GDPD1: variants seen among roughly 807,000 people sequenced by gnomAD.
GDPD1 encodes glycerophosphodiester phosphodiesterase domain containing 1, also known as lysophospholipase D GDPD1.
Under a neutral mutation model 45.1 loss-of-function variants are expected in GDPD1, and 28 were observed. That is an observed-to-expected ratio of 0.62 (90% CI 0.46 to 0.85). GDPD1 has a LOEUF of 0.85. Ranked by LOEUF, GDPD1 falls within the 40% of genes least tolerant of loss-of-function variation. The probability of loss-of-function intolerance (pLI) is 0.00; values close to 1 mark genes in which losing one functional copy is unlikely to be tolerated. For synonymous variants in GDPD1, 139 were observed against 131.4 expected (o/e 1.06, Z -0.40); for missense variants, 256 against 364.8 (o/e 0.70, Z 2.43).
intron 1 of GDPD1, among the ~76,000 whole-genome samples, chr17:59,226,284 A>T (rs916557829): frequency 6.6e-6 from 1 of 151,926 alleles, no homozygotes; most frequent in Non-Finnish European, 1.5e-5. Context: ...ATAGTTTTAG[A>T]TCAAAACAAG....
chr17:59,262,124 T>G (rs1044595226), intron 6 of GDPD1, among the ~76,000 whole-genome samples: 4 of 151,220 alleles, frequency 2.6e-5, no homozygotes, highest in South Asian at 2.1e-4. Flanking sequence ...GTTTCACCGT[T>G]TTAGCCGGGA....
chr17:59,255,817 ATATATATATACG>A lies in GDPD1; in HGVS notation c.368-1304_368-1293del. Among the ~76,000 whole-genome samples, 3 of 63,332 alleles carry A rather than the reference ATATATATATACG, an allele frequency of 4.7e-5. No homozygotes were observed. In the Middle Eastern group the frequency reaches 0.019, roughly 391 times the overall value. The allele number at this position is 63,332 out of a possible 152,430, so 41.5% of individuals were successfully genotyped here. Reference sequence around the variant, plus strand: ...TATATGTATATATATATATACGCGTATATATATATACGCGTATATATATATATATATATACAC... The same window carrying A: ...TATATGTATATATATATATACGCGTACGTATATATATATATATATATACAC... On this transcript the variant is annotated intron_variant, in intron 4 of 9. Transcript: ENST00000284116.
intron 1 of GDPD1, among the ~76,000 whole-genome samples, chr17:59,233,582 C>CT: frequency 6.6e-6 from 1 of 152,026 alleles, no homozygotes; most frequent in South Asian, 2.1e-4. Flanking sequence ...AAACACCTGC[C>CT]TTTTTTGTTG....
At chr17:59,272,959 A>G in intron 9 of GDPD1, 123 bp downstream of exon 9, 1 of 1,583,428 alleles carries the variant, frequency 6.3e-7, no homozygotes, top group Non-Finnish European at 8.6e-7. Flanking sequence ...TGCTTTACTG[A>G]TCCACAAATG....
At chr17:59,247,845 G>A (rs1381411371) in intron 3 of GDPD1, among the ~76,000 whole-genome samples, 1 of 152,006 alleles carries the variant, frequency 6.6e-6, no homozygotes, top group Non-Finnish European at 1.5e-5. Context: ...GGTCAGGCTG[G>A]TCTCGAACTC....
At chr17:59,249,866 C>G (rs926649134) in intron 4 of GDPD1, among the ~76,000 whole-genome samples, 2 of 152,064 alleles carry the variant, frequency 1.3e-5, no homozygotes, top group African/African-American at 4.8e-5. Context: ...TTTAAAAGAA[C>G]TATAACTGCT....
intron 2 of GDPD1, among the ~76,000 whole-genome samples, chr17:59,237,225 C>G (rs1454769363): frequency 6.6e-6 from 1 of 151,924 alleles, no homozygotes; most frequent in African/African-American, 2.4e-5. Context: ...AGGGTGAAAC[C>G]CCATCTCTAG....
chr17:59,265,649 G>A (rs904201256), intron 6 of GDPD1, among the ~76,000 whole-genome samples: 4 of 151,822 alleles, frequency 2.6e-5, no homozygotes, highest in African/African-American at 9.7e-5. Context: ...TGTATTCCCA[G>A]CACTTTGAGA....
intron 4 of GDPD1, among the ~76,000 whole-genome samples, chr17:59,249,643 A>G (rs888039113): frequency 1.3e-5 from 2 of 152,178 alleles, no homozygotes; most frequent in Admixed American, 1.3e-4. Flanking sequence ...CCAACTTGTT[A>G]GTTACTTCAG....
intron 6 of GDPD1, among the ~76,000 whole-genome samples, chr17:59,261,808 AT>A (rs1341047305): frequency 1.3e-5 from 2 of 149,022 alleles, no homozygotes; most frequent in East Asian, 4.0e-4. Context: ...TAATTTTTAA[AT>A]TTTTTGTAGA....
chr17:59,233,554 A>G (rs2047108856), intron 1 of GDPD1, among the ~76,000 whole-genome samples: 1 of 151,976 alleles, frequency 6.6e-6, no homozygotes, highest in South Asian at 2.1e-4. Context: ...AAACAAAACA[A>G]TGAGACAGGT....
In GDPD1 at chr17:59,275,200, T is replaced by A; in HGVS notation, c.*1427T>A. 2.0e-6 allele frequency: 3 copies of A among 1,536,588 alleles called. No individual in the cohort carries two copies. The highest frequency in any genetic ancestry group is 2.6e-6 in the Non-Finnish European group (3 of 1,146,140). On this transcript the variant is annotated 3_prime_UTR_variant, in exon 10 of 10. Coordinates refer to ENST00000284116, the MANE Select transcript of GDPD1 (RefSeq NM_182569.4). ...TTGGTAGTGTCTTGTTATTTCTAGG[T>A]GTACCTTAGTTAAAGAGGAAAAATA...
At chr17:59,227,740 T>C (rs2047058609) in intron 1 of GDPD1, among the ~76,000 whole-genome samples, 1 of 152,156 alleles carries the variant, frequency 6.6e-6, no homozygotes, top group African/African-American at 2.4e-5. Flanking sequence ...TTTTACATAC[T>C]GTTAAGAAAG....
chr17:59,265,885 C>CAG (rs1363437337), intron 6 of GDPD1, among the ~76,000 whole-genome samples: 1 of 123,840 alleles, frequency 8.1e-6, no homozygotes, highest in African/African-American at 3.2e-5. Context: ...GCCTGGGTGA[C>CAG]AGTGAGACCT....
chr17:59,255,815 GTATATATATATACGCGTATATATA>G (rs2047299555), intron 4 of GDPD1, among the ~76,000 whole-genome samples: 2 of 49,180 alleles, frequency 4.1e-5, no homozygotes, highest in Admixed American at 2.9e-4. Context: ...ATATATACGC[GTATATATATATACGCGTATATATA>G]TATATATATA....
chr17:59,270,185 C>G (rs1315543933), intron 7 of GDPD1, among the ~76,000 whole-genome samples: 1 of 150,868 alleles, frequency 6.6e-6, no homozygotes, highest in Non-Finnish European at 1.5e-5. Context: ...AGGACTTGTA[C>G]TTTATTTTGT....
rs2047231479 is a variant in GDPD1 at position 59,248,727 on chromosome 17, T to C, written c.322-13T>C. ...TGAGAGTTAACTTTTTTTTCAATCA[T>C]ATCTTTTTAAAGGAGCTCCCACCTT... is the stretch of plus-strand genomic sequence containing the variant. On this transcript the variant is annotated splice_polypyrimidine_tract_variant and intron_variant, in intron 3 of 9. Coordinates refer to ENST00000284116, the MANE Select transcript of GDPD1 (RefSeq NM_182569.4). 2 of 1,577,146 alleles carry C rather than the reference T, an allele frequency of 1.3e-6. No homozygotes were observed. Among genetic ancestry groups the C allele is most frequent in the Admixed American group, 3.6e-5 (2 of 55,204 alleles).
intron 6 of GDPD1, among the ~76,000 whole-genome samples, chr17:59,264,919 C>A (rs886885699): frequency 1.1e-4 from 17 of 152,050 alleles, no homozygotes; most frequent in Admixed American, 3.9e-4. Flanking sequence ...TGGCTCACTG[C>A]AAGCTCCACC....
intron 6 of GDPD1, among the ~76,000 whole-genome samples, chr17:59,265,937 C>G (rs1436293920): frequency 7.2e-6 from 1 of 138,414 alleles, no homozygotes; most frequent in African/African-American, 2.6e-5. Flanking sequence ...GAGTTGTTTT[C>G]ACTTTTGCAA....
Sources: gnomAD v4.1 joint callset for allele counts (sites outside exome capture counted in the v4.1 genomes callset) on GRCh38, gnomAD v4.1.1 for gene constraint, MANE v1.5 for transcripts, NCBI Gene and HGNC (gene_info 2026-07-23, HGNC 2026-07-21) for gene names.